The following MBNL2 variants were observed in gnomAD, a reference collection of about 807,000 sequenced individuals.
The protein encoded by MBNL2 is muscleblind like splicing regulator 2.
MBNL2 carries 17 observed loss-of-function variants against 41.9 expected under a neutral mutation model. The ratio of observed to expected loss-of-function variants is 0.41; its 90% confidence interval spans 0.28 to 0.61. The LOEUF (loss-of-function observed/expected upper bound fraction) is 0.61. MBNL2 is among the 20% of genes least tolerant of loss of function. The probability of loss-of-function intolerance (pLI) is 0.35; values close to 1 mark genes in which losing one functional copy is unlikely to be tolerated. For missense variants in MBNL2, 336 were observed against 505.6 expected (o/e 0.66, Z 3.22); for synonymous variants, 195 against 182.9 (o/e 1.07, Z -0.53).
chr13:97,178,143 A>G, the MBNL2 span, among the ~76,000 whole-genome samples: 1 of 152,348 alleles, frequency 6.6e-6, no homozygotes, highest in Non-Finnish European at 1.5e-5. Context: ...ATTCTGGCAA[A>G]GAAAATGCGA....
At chr13:97,193,230 G>A in the MBNL2 span, among the ~76,000 whole-genome samples, 7 of 152,334 alleles carry the variant, frequency 4.6e-5, no homozygotes, top group South Asian at 4.1e-4. Flanking sequence ...GCGGACCAAT[G>A]CATTCTCTGA....
intron 3 of MBNL2, among the ~76,000 whole-genome samples, chr13:97,340,304 G>A (rs1254099377): frequency 3.3e-5 from 5 of 152,246 alleles, no homozygotes; most frequent in African/African-American, 4.8e-5. Flanking sequence ...GTCTGTCTTC[G>A]TAAGGCCTAT....
chr13:97,291,793 G>A (rs567207945), intron 2 of MBNL2, among the ~76,000 whole-genome samples: 191 of 151,298 alleles, frequency 1.3e-3, no homozygotes, highest in Non-Finnish European at 2.0e-3. Flanking sequence ...TACTCAGGAG[G>A]CTGAGGCAGG....
chr13:97,315,021 A>T (rs973396284), intron 2 of MBNL2, among the ~76,000 whole-genome samples: 8 of 152,192 alleles, frequency 5.3e-5, no homozygotes, highest in Admixed American at 3.3e-4. Flanking sequence ...TCATATATAT[A>T]AATAATTTGT....
chr13:97,280,249 T>A (rs1466190188), intron 2 of MBNL2, among the ~76,000 whole-genome samples: 1 of 152,196 alleles, frequency 6.6e-6, no homozygotes, highest in Admixed American at 6.5e-5. Context: ...TGATAGGAAT[T>A]AATCTGAACC....
chr13:97,267,237 CTT>C (rs2050003585), intron 1 of MBNL2, among the ~76,000 whole-genome samples: 1 of 152,216 alleles, frequency 6.6e-6, no homozygotes, highest in African/African-American at 2.4e-5. Flanking sequence ...CCCTGCATAA[CTT>C]AGCAGCTGCA....
At chr13:97,251,380 T>A (rs922743602) in intron 1 of MBNL2, among the ~76,000 whole-genome samples, 1 of 151,976 alleles carries the variant, frequency 6.6e-6, no homozygotes, top group Admixed American at 6.6e-5. Context: ...CATAAATAGA[T>A]ACACCTACTA....
chr13:97,257,155 CTT>C (rs1216914474), intron 1 of MBNL2, among the ~76,000 whole-genome samples: 1 of 144,318 alleles, frequency 6.9e-6, no homozygotes, highest in Non-Finnish European at 1.5e-5. Context: ...CAGACCCTAC[CTT>C]TTTTTTTTTT....
intron 1 of MBNL2, among the ~76,000 whole-genome samples, chr13:97,232,886 T>C (rs868021692): frequency 1.4e-5 from 2 of 146,670 alleles, no homozygotes; most frequent in African/African-American, 2.5e-5. Flanking sequence ...TGTGTGTGTG[T>C]GTGTGCGCAC....
Position 97,392,852 on chromosome 13 carries a change from A to AT in MBNL2, c.*1407dup, listed in dbSNP as rs1346471534. On this transcript the variant is annotated 3_prime_UTR_variant, in exon 9 of 9. Coordinates refer to ENST00000679496, the MANE Select transcript of MBNL2 (RefSeq NM_001382683.1). ...TTATGTGTAATTGTTTCAAACATCC[A>AT]TTTTCTTTGTGAACATATTAGTGAT... The AT allele has an allele frequency of 1.3e-5, 2 of 152,362 alleles. No homozygotes were observed. Among genetic ancestry groups the AT allele is most frequent in the African/African-American group, 4.8e-5 (2 of 41,410 alleles). The allele number at this position is 152,362 out of a possible 1,614,324, so 9.4% of individuals were successfully genotyped here.
At chr13:97,372,596 G>A (rs144438368) in intron 8 of MBNL2, among the ~76,000 whole-genome samples, 12 of 152,164 alleles carry the variant, frequency 7.9e-5, no homozygotes, top group African/African-American at 2.9e-4. Context: ...TCATTTTCTA[G>A]ACTTACCTGA....
chr13:97,389,532 A>G (rs2066224033), intron 8 of MBNL2, among the ~76,000 whole-genome samples: 1 of 152,036 alleles, frequency 6.6e-6, no homozygotes, highest in South Asian at 2.1e-4. Context: ...GGAAGACCCC[A>G]TCTCTACAAA....
chr13:97,165,668 A>C, the MBNL2 span, among the ~76,000 whole-genome samples: 1 of 152,238 alleles, frequency 6.6e-6, no homozygotes, highest in Non-Finnish European at 1.5e-5. Flanking sequence ...GACACTCAAC[A>C]AGTCAAACAT....
intron 1 of MBNL2, among the ~76,000 whole-genome samples, chr13:97,266,747 T>C (rs2049900351): frequency 6.6e-6 from 1 of 152,024 alleles, no homozygotes; most frequent in Non-Finnish European, 1.5e-5. Context: ...AATTTAAAAA[T>C]TAAAAATAGG....
chr13:97,255,930 T>C (rs2047440239), intron 1 of MBNL2, among the ~76,000 whole-genome samples: 1 of 152,200 alleles, frequency 6.6e-6, no homozygotes. Flanking sequence ...CGTTTAGGAA[T>C]GGATATGGTT....
At chr13:97,295,488 T>G (rs1449241801) in intron 2 of MBNL2, among the ~76,000 whole-genome samples, 1 of 150,838 alleles carries the variant, frequency 6.6e-6, no homozygotes, top group African/African-American at 2.5e-5. Flanking sequence ...GAAAATCATT[T>G]GTTTGTGCCT....
chr13:97,171,664 T>C, the MBNL2 span, among the ~76,000 whole-genome samples: 1 of 152,158 alleles, frequency 6.6e-6, no homozygotes, highest in East Asian at 1.9e-4. Context: ...TCTACCTAGA[T>C]TCCTGCAGTC....
At chr13:97,244,370 C>T (rs117876022) in intron 1 of MBNL2, among the ~76,000 whole-genome samples, 49 of 152,264 alleles carry the variant, frequency 3.2e-4, no homozygotes, top group Non-Finnish European at 5.3e-4. Context: ...GAGAGGAAAC[C>T]AGGCCAGTGT....
the MBNL2 span, among the ~76,000 whole-genome samples, chr13:97,183,404 C>G: frequency 6.6e-6 from 1 of 152,188 alleles, no homozygotes; most frequent in Non-Finnish European, 1.5e-5. Context: ...TTCCAGTGCA[C>G]TCATAAAATG....
Sources: gnomAD v4.1 joint callset for allele counts (sites outside exome capture counted in the v4.1 genomes callset) on GRCh38, gnomAD v4.1.1 for gene constraint, MANE v1.5 for transcripts, NCBI Gene and HGNC (gene_info 2026-07-23, HGNC 2026-07-21) for gene names.